Variants in CBL observed in about 807,000 individuals in gnomAD.
The protein encoded by CBL is E3 ubiquitin-protein ligase CBL.
A neutral mutation model predicts 96.9 loss-of-function variants in CBL; 45 were observed. The observed-to-expected ratio is 0.46, with a 90% CI of 0.37 to 0.60. The LOEUF (loss-of-function observed/expected upper bound fraction) is 0.60. Among genes scored for constraint, CBL ranks in the 20% least tolerant of loss-of-function variants. The probability of loss-of-function intolerance (pLI) is 0.00; values close to 1 mark genes in which losing one functional copy is unlikely to be tolerated. For synonymous variants in CBL, 420 were observed against 426.8 expected, an observed-to-expected ratio of 0.98 and a Z score of 0.20; for missense variants, 1,024 against 1,143.5, an observed-to-expected ratio of 0.90 and a Z score of 1.51.
chr11:119,251,989 A>T (rs1306683697), intron 2 of CBL, among the ~76,000 whole-genome samples: 1 of 152,222 alleles, frequency 6.6e-6, no homozygotes, highest in African/African-American at 2.4e-5. Flanking sequence ...CCTGCTAGAG[A>T]TACCTAGTAG....
At position 119,238,793 on chromosome 11, in the gene CBL, T is replaced by C. The variant is rs922800939; in HGVS notation, c.443+6098T>C. ...ATGCAGTGAGCCGAGATCAAGCCAC[T>C]GCACTCCAGGCTGGGCAACGGAGCG... On this transcript the variant is annotated intron_variant, in intron 2 of 15. Coordinates refer to ENST00000264033, the MANE Select transcript of CBL (RefSeq NM_005188.4). Among the ~76,000 whole-genome samples, 12 of 151,926 alleles carry C rather than the reference T, an allele frequency of 7.9e-5. No homozygotes were observed. In the East Asian group the frequency reaches 1.6e-3, roughly 20 times the overall value.
At chr11:119,231,578 C>T (rs904243759) in intron 1 of CBL, among the ~76,000 whole-genome samples, 1 of 151,846 alleles carries the variant, frequency 6.6e-6, no homozygotes, top group African/African-American at 2.4e-5. Context: ...CATGGTGGTG[C>T]ATGCCTATAA....
intron 2 of CBL, 67 bp from the exon 3 acceptor site, chr11:119,271,668 T>C: frequency 7.7e-7 from 1 of 1,298,358 alleles, no homozygotes; most frequent in Non-Finnish European, 1.1e-6. Flanking sequence ...TCTTGTATGG[T>C]GAATTTGGTG....
Position 119,278,706 on chromosome 11 carries a change from G to T in CBL, c.1424G>T (p.Gly475Val), listed in dbSNP as rs200054267. 1.8e-5 allele frequency: 29 copies of T among 1,613,872 alleles called. No individual in the cohort carries two copies. Among genetic ancestry groups the T allele is most frequent in the Non-Finnish European group, 2.4e-5 (28 of 1,179,934 alleles). The change falls in exon 9 of 16, where the codon GGT (glycine) becomes GTT (valine). Residue 475 changes from glycine (G) to valine (V), a missense_variant. By Grantham distance (109) the Gly-to-Val change is moderately radical. Coordinates refer to ENST00000264033, the MANE Select transcript of CBL (RefSeq NM_005188.4). ...DTLFMMKELA[G>V]AKVERPPSPF... ...CTCTTCATGATGAAGGAATTGGCTG[G>T]TGCCAAGGTAAGATGGCAGTTTAGG...
At chr11:119,223,941 C>CCT (rs1176252499) in intron 1 of CBL, among the ~76,000 whole-genome samples, 1 of 151,966 alleles carries the variant, frequency 6.6e-6, no homozygotes, top group Non-Finnish European at 1.5e-5. Flanking sequence ...TTTTGAGACT[C>CCT]TATCTCTTAA....
chr11:119,235,067 T>A (rs1042007367), intron 2 of CBL, among the ~76,000 whole-genome samples: 2 of 152,168 alleles, frequency 1.3e-5, no homozygotes, highest in African/African-American at 4.8e-5. Context: ...TTATAGATGA[T>A]AGGCTGTCAT....
At chr11:119,218,438 C>T (rs903096207) in intron 1 of CBL, among the ~76,000 whole-genome samples, 4 of 152,196 alleles carry the variant, frequency 2.6e-5, no homozygotes, top group African/African-American at 9.7e-5. Flanking sequence ...ACAGTAGTCC[C>T]TTCATATCCA....
intron 2 of CBL, among the ~76,000 whole-genome samples, chr11:119,265,609 G>A (rs1477052998): frequency 1.3e-5 from 2 of 152,132 alleles, no homozygotes; most frequent in Non-Finnish European, 2.9e-5. Context: ...AAAGTGGCTG[G>A]GCGCGGTAGC....
chr11:119,254,647 G>A lies in CBL; in HGVS notation c.444-17088G>A, dbSNP rs569670351. Among the ~76,000 whole-genome samples, 5 of 152,050 alleles carry A rather than the reference G, an allele frequency of 3.3e-5. No individual in the cohort carries two copies. The South Asian group carries it at 1.0e-3, about 32-fold the overall frequency. Reference sequence around the variant, plus strand: ...GACAGAGTCTCGTCCTGTCGCCCAGGCTGGAATGCAGTGGTGCCATCTTGG... The same window carrying A: ...GACAGAGTCTCGTCCTGTCGCCCAGACTGGAATGCAGTGGTGCCATCTTGG... On this transcript the variant is annotated intron_variant, in intron 2 of 15. Transcript: ENST00000264033.
intron 1 of CBL, among the ~76,000 whole-genome samples, chr11:119,228,849 C>A (rs546051063): frequency 6.1e-4 from 92 of 150,292 alleles, no homozygotes; most frequent in Non-Finnish European, 9.9e-4. Flanking sequence ...TCGCTCTTGT[C>A]CCCCAGGCTG....
intron 11 of CBL, among the ~76,000 whole-genome samples, chr11:119,287,423 T>C (rs1949992077): frequency 6.6e-6 from 1 of 152,202 alleles, no homozygotes; most frequent in African/African-American, 2.4e-5. Flanking sequence ...GTGAATGGCA[T>C]CTCTTGGTTG....
At chr11:119,299,232 A>G (rs1483486585) in intron 15 of CBL, among the ~76,000 whole-genome samples, 4 of 152,206 alleles carry the variant, frequency 2.6e-5, no homozygotes, top group African/African-American at 9.6e-5. Context: ...TGCTTAGTGT[A>G]AAGCATGATG....
intron 4 of CBL, among the ~76,000 whole-genome samples, chr11:119,274,271 G>C (rs1449197132): frequency 2.0e-5 from 3 of 151,992 alleles, no homozygotes; most frequent in African/African-American, 7.2e-5. Context: ...ATCTTTCCTT[G>C]TTATTGAATA....
chr11:119,276,707 C>T (rs1423805948), intron 6 of CBL, among the ~76,000 whole-genome samples: 1 of 152,182 alleles, frequency 6.6e-6, no homozygotes, highest in Non-Finnish European at 1.5e-5. Context: ...AGAAAACTAG[C>T]TTGTGTTTTG....
chr11:119,274,664 CAG>C (rs768447996), intron 4 of CBL, among the ~76,000 whole-genome samples, 166 bp from the exon 5 acceptor site: 12 of 152,024 alleles, frequency 7.9e-5, no homozygotes, highest in Admixed American at 2.6e-4. Context: ...CGTAGCTTTT[CAG>C]AGTTTTTAAT....
In CBL at chr11:119,303,134, T is replaced by C. The variant is rs191767856; in HGVS notation, c.*3353T>C. 7 of 231,914 alleles carry C rather than the reference T, an allele frequency of 3.0e-5. No individual in the cohort carries two copies. In the Admixed American group the frequency reaches 3.4e-4, roughly 11 times the overall value. The allele number at this position is 231,914 out of a possible 1,614,324, so 14.4% of individuals were successfully genotyped here. ...AAATTTTTATAACAAAATTTCCTTGTAAAAACTAGGGACCATCTATATATT... is the reference window on the plus strand; with the variant it reads ...AAATTTTTATAACAAAATTTCCTTGCAAAAACTAGGGACCATCTATATATT... On this transcript the variant is annotated 3_prime_UTR_variant, in exon 16 of 16. Coordinates refer to ENST00000264033, the MANE Select transcript of CBL (RefSeq NM_005188.4).
intron 2 of CBL, among the ~76,000 whole-genome samples, chr11:119,270,241 C>CT (rs768214554): frequency 0.016 from 1,864 of 119,784 alleles, 57 homozygotes; most frequent in African/African-American, 0.037. Flanking sequence ...TGTGTGACAT[C>CT]TTTTTTTTTT....
chr11:119,277,420 A>G (rs1949898491), intron 6 of CBL, among the ~76,000 whole-genome samples: 1 of 152,170 alleles, frequency 6.6e-6, no homozygotes. Flanking sequence ...AATATGTGAC[A>G]CAGACTAATG....
chr11:119,249,099 C>A (rs1949652474), intron 2 of CBL, among the ~76,000 whole-genome samples: 2 of 152,072 alleles, frequency 1.3e-5, no homozygotes, highest in South Asian at 4.1e-4. Context: ...GTACATACCC[C>A]AAAGAATTGA....
Sources: allele counts gnomAD v4.1 joint callset (sites outside exome capture counted in the v4.1 genomes callset), GRCh38; gene constraint gnomAD v4.1.1; transcripts MANE v1.5; gene names NCBI Gene and HGNC (gene_info 2026-07-23, HGNC 2026-07-21).